GLCE: variants seen among roughly 807,000 people sequenced by gnomAD.
GLCE encodes D-glucuronyl C5-epimerase.
GLCE carries 19 observed loss-of-function variants against 47.9 expected under a neutral mutation model. The observed-to-expected ratio is 0.40, with a 90% CI of 0.28 to 0.58. The LOEUF (loss-of-function observed/expected upper bound fraction) is 0.58, where lower values mean the gene tolerates loss of function less well. GLCE is among the 20% of genes least tolerant of loss of function. The pLI, the probability that GLCE is intolerant of heterozygous loss-of-function variation, is 0.48. For missense variants in GLCE, 556 were observed against 743.3 expected, an observed-to-expected ratio of 0.75 and a Z score of 2.93; for synonymous variants, 245 against 263.4, an observed-to-expected ratio of 0.93 and a Z score of 0.68.
At chr15:69,241,942 A>T (rs899021761) in intron 2 of GLCE, among the ~76,000 whole-genome samples, 1 of 152,200 alleles carries the variant, frequency 6.6e-6, no homozygotes, top group East Asian at 1.9e-4. Context: ...TGGATTTGGA[A>T]ATCACTGGTC....
intron 2 of GLCE, among the ~76,000 whole-genome samples, chr15:69,226,413 G>T (rs1248296995): frequency 3.3e-5 from 5 of 152,142 alleles, no homozygotes. Flanking sequence ...AACCCTGTCT[G>T]TCCTACAAGT....
chr15:69,196,053 G>A (rs1029375401), intron 1 of GLCE, among the ~76,000 whole-genome samples: 2 of 152,114 alleles, frequency 1.3e-5, no homozygotes, highest in Admixed American at 6.6e-5. Context: ...CATGGCAGTT[G>A]GAGGAGGGCA....
intron 1 of GLCE, among the ~76,000 whole-genome samples, chr15:69,195,133 G>A (rs2051967734): frequency 6.6e-6 from 1 of 152,050 alleles, no homozygotes; most frequent in South Asian, 2.1e-4. Context: ...GATAAAATCT[G>A]CCTGCCTATT....
intron 2 of GLCE, among the ~76,000 whole-genome samples, chr15:69,216,433 A>G (rs2052308022): frequency 6.6e-6 from 1 of 152,142 alleles, no homozygotes; most frequent in African/African-American, 2.4e-5. Context: ...GCTACTTTAT[A>G]TAAACATTTA....
intron 1 of GLCE, among the ~76,000 whole-genome samples, chr15:69,164,117 T>C (rs1304167519): frequency 6.6e-6 from 1 of 152,120 alleles, no homozygotes; most frequent in East Asian, 1.9e-4. Context: ...GGTGGGGGAA[T>C]AGGTATTCTT....
intron 1 of GLCE, among the ~76,000 whole-genome samples, chr15:69,170,187 A>G (rs1374139170): frequency 1.3e-5 from 2 of 152,190 alleles, no homozygotes; most frequent in African/African-American, 4.8e-5. Flanking sequence ...GATAAGCAAA[A>G]TATCTTACTT....
At chr15:69,181,758 G>A (rs2140340997) in intron 1 of GLCE, among the ~76,000 whole-genome samples, 1 of 152,222 alleles carries the variant, frequency 6.6e-6, no homozygotes, top group East Asian at 1.9e-4. Context: ...GAGGGAGGGA[G>A]AGAAATAGAA....
At chr15:69,202,040 C>T (rs1391039699) in intron 1 of GLCE, among the ~76,000 whole-genome samples, 1 of 152,028 alleles carries the variant, frequency 6.6e-6, no homozygotes, top group Non-Finnish European at 1.5e-5. Flanking sequence ...CTACCTCAGC[C>T]TCCCAACGAA....
chr15:69,169,024 A>G (rs1333054534), intron 1 of GLCE, among the ~76,000 whole-genome samples: 1 of 152,194 alleles, frequency 6.6e-6, no homozygotes, highest in Non-Finnish European at 1.5e-5. Context: ...TGCTTAACGA[A>G]AGTTACCACT....
chr15:69,211,941 CT>C (rs2052239176), intron 2 of GLCE, among the ~76,000 whole-genome samples: 1 of 151,856 alleles, frequency 6.6e-6, no homozygotes, highest in African/African-American at 2.4e-5. Context: ...TTAAAATTTA[CT>C]TTTTAAAGGA....
At chr15:69,231,658 T>C (rs1193065557) in intron 2 of GLCE, among the ~76,000 whole-genome samples, 2 of 152,162 alleles carry the variant, frequency 1.3e-5, no homozygotes. Flanking sequence ...CCTCAGCAAA[T>C]GCCCTCATTT....
chr15:69,269,538 A>G lies in GLCE; in HGVS notation c.*294A>G, dbSNP rs899303898. On this transcript the variant is annotated 3_prime_UTR_variant, in exon 5 of 5. Coordinates refer to ENST00000261858, the MANE Select transcript of GLCE (RefSeq NM_015554.3). ...GTTTCGCAGATAGTCTAGTCACTCTATGTGAGAAAGATAATGGTAAGTAGT... is the reference window on the plus strand; with the variant it reads ...GTTTCGCAGATAGTCTAGTCACTCTGTGTGAGAAAGATAATGGTAAGTAGT... 18 of 331,312 alleles carry G rather than the reference A, an allele frequency of 5.4e-5. No homozygotes were observed. Among genetic ancestry groups the G allele is most frequent in the Middle Eastern group, 8.7e-4 (1 of 1,152 alleles). 20.5% of individuals were successfully genotyped at this position (331,312 alleles called of 1,614,324 possible).
At chr15:69,167,507 AGTT>A (rs1249754466) in intron 1 of GLCE, among the ~76,000 whole-genome samples, 1 of 152,122 alleles carries the variant, frequency 6.6e-6, no homozygotes, top group African/African-American at 2.4e-5. Context: ...ATGCCTGCTG[AGTT>A]GTTATTAGCA....
chr15:69,203,092 G>C (rs910785848), intron 1 of GLCE, among the ~76,000 whole-genome samples: 1 of 152,080 alleles, frequency 6.6e-6, no homozygotes, highest in African/African-American at 2.4e-5. Context: ...TCTTTAAAAT[G>C]TTACTAGGTA....
intron 1 of GLCE, among the ~76,000 whole-genome samples, chr15:69,183,245 A>G (rs1463931608): frequency 2.0e-5 from 3 of 152,224 alleles, no homozygotes; most frequent in Non-Finnish European, 2.9e-5. Flanking sequence ...TGGTGTAATG[A>G]GCAAGCAGCT....
intron 1 of GLCE, among the ~76,000 whole-genome samples, chr15:69,171,856 T>C (rs2051594360): frequency 6.6e-6 from 1 of 152,226 alleles, no homozygotes; most frequent in Non-Finnish European, 1.5e-5. Flanking sequence ...GGATAGATTA[T>C]AAAGCTCTAA....
chr15:69,173,564 G>T (rs1307589762), intron 1 of GLCE, among the ~76,000 whole-genome samples: 1 of 152,134 alleles, frequency 6.6e-6, no homozygotes, highest in Non-Finnish European at 1.5e-5. Context: ...AAGAGATGGG[G>T]TCTTGCTCTG....
chr15:69,271,130 T>C lies in GLCE; in HGVS notation c.*1886T>C, dbSNP rs2053161492. On this transcript the variant is annotated 3_prime_UTR_variant, in exon 5 of 5. Coordinates refer to ENST00000261858, the MANE Select transcript of GLCE (RefSeq NM_015554.3). The stretch of plus-strand genomic sequence containing the variant: ...TATGGTACTGCTTCTGTGACAAATA[T>C]CGTGCCTTAACAATGTGGCTGTCCT... The C allele has an allele frequency of 6.5e-6, 1 of 152,678 alleles. No homozygotes were observed. The highest frequency in any genetic ancestry group is 2.4e-5 in the African/African-American group (1 of 41,460). The allele number at this position is 152,678 out of a possible 1,614,324, so 9.5% of individuals were successfully genotyped here.
At chr15:69,180,766 A>G (rs915712067) in intron 1 of GLCE, among the ~76,000 whole-genome samples, 2 of 152,254 alleles carry the variant, frequency 1.3e-5, no homozygotes, top group South Asian at 2.1e-4. Context: ...GCAAGGTCTT[A>G]TAGACCATTT....
Sources: allele counts gnomAD v4.1 joint callset (sites outside exome capture counted in the v4.1 genomes callset), GRCh38; gene constraint gnomAD v4.1.1; transcripts MANE v1.5; gene names NCBI Gene and HGNC (gene_info 2026-07-23, HGNC 2026-07-21).